Variants in PPP1CB observed in about 807,000 individuals in gnomAD.
PPP1CB encodes serine/threonine-protein phosphatase PP1-beta catalytic subunit.
In PPP1CB, 2 loss-of-function variants were observed where a neutral mutation model predicts 43.7. The ratio of observed to expected loss-of-function variants is 0.05; its 90% confidence interval spans 0.02 to 0.14. The LOEUF is 0.14. Ranked by LOEUF, PPP1CB falls within the 10% of genes least tolerant of loss-of-function variation. The pLI is 1.00. For missense variants in PPP1CB, 84 were observed against 398.0 expected (o/e 0.21, Z 6.71); for synonymous variants, 136 against 135.6 (o/e 1.00, Z -0.02).
chr2:28,768,261 TA>T (rs1666826621), intron 1 of PPP1CB, among the ~76,000 whole-genome samples: 1 of 152,040 alleles, frequency 6.6e-6, no homozygotes, highest in South Asian at 2.1e-4. Context: ...ATAGGGGAAA[TA>T]GATCCCAAAT....
Position 28,770,740 on chromosome 2 carries a change from G to A in PPP1CB, c.53-6111G>A, listed in dbSNP as rs147421509. Among the ~76,000 whole-genome samples, 391 of 152,064 alleles carry A rather than the reference G, an allele frequency of 2.6e-3. 2 individuals are homozygous for A. Among genetic ancestry groups the A allele is most frequent in the African/African-American group, 8.7e-3 (362 of 41,486 alleles). On this transcript the variant is annotated intron_variant, in intron 1 of 7. Coordinates refer to ENST00000395366, the MANE Select transcript of PPP1CB (RefSeq NM_002709.3). ...ACACAGCCACCCTGACCTACTTGGCGGACATAGAACACTTCACTCAATAAT... is the reference window on the plus strand; with the variant it reads ...ACACAGCCACCCTGACCTACTTGGCAGACATAGAACACTTCACTCAATAAT...
At chr2:28,772,376 A>C (rs1467368914) in intron 1 of PPP1CB, among the ~76,000 whole-genome samples, 1 of 152,152 alleles carries the variant, frequency 6.6e-6, no homozygotes, top group Non-Finnish European at 1.5e-5. Flanking sequence ...ACCACCATAT[A>C]CCCAACAAAA....
At chr2:28,756,902 C>T (rs1666501510) in intron 1 of PPP1CB, among the ~76,000 whole-genome samples, 1 of 152,178 alleles carries the variant, frequency 6.6e-6, no homozygotes, top group Non-Finnish European at 1.5e-5. Context: ...AGATATAATT[C>T]ACATACCATA....
chr2:28,763,812 C>G (rs577190606), intron 1 of PPP1CB, among the ~76,000 whole-genome samples: 1 of 152,258 alleles, frequency 6.6e-6, no homozygotes, highest in South Asian at 2.1e-4. Context: ...TGAAGCGATT[C>G]TCCTGCCTCA....
At chr2:28,783,224 T>G (rs1328044903) in intron 4 of PPP1CB, among the ~76,000 whole-genome samples, 1 of 152,168 alleles carries the variant, frequency 6.6e-6, no homozygotes, top group East Asian at 1.9e-4. Flanking sequence ...ACTTAGAAGT[T>G]AAAATGTTTA....
In PPP1CB at chr2:28,781,107, A is replaced by T. The variant is rs980086883; in HGVS notation, c.416-631A>T. 3.3e-5 allele frequency among the ~76,000 whole-genome samples: 5 copies of T among 152,156 alleles called. No individual in the cohort carries two copies. The East Asian group carries it at 9.6e-4, about 29-fold the overall frequency. On this transcript the variant is annotated intron_variant, in intron 3 of 7. Coordinates refer to ENST00000395366, the MANE Select transcript of PPP1CB (RefSeq NM_002709.3). Reference sequence around the variant, plus strand: ...GAACTAAGAGCCTATTAGACTGTTTAAAAATTGCTATATTATACTGATCTT... The same window carrying T: ...GAACTAAGAGCCTATTAGACTGTTTTAAAATTGCTATATTATACTGATCTT...
At position 28,801,786 on chromosome 2, in the gene PPP1CB, G is replaced by C. The variant is rs1667623214; in HGVS notation, c.*2483G>C. 1 of 152,078 alleles carries C rather than the reference G, an allele frequency of 6.6e-6. No homozygotes were observed. Among genetic ancestry groups the C allele is most frequent in the African/African-American group, 2.4e-5 (1 of 41,394 alleles). 9.4% of individuals were successfully genotyped at this position (152,078 alleles called of 1,614,324 possible). A position where few individuals can be genotyped will look rare whatever the true frequency, so the allele number is the denominator to read the frequency against. ...AAATCATGAAACACAGTAGATATCT[G>C]TTATAATGTGGTGTATCACATGGAT... On this transcript the variant is annotated 3_prime_UTR_variant, in exon 8 of 8. Transcript: ENST00000395366.
chr2:28,769,193 G>A (rs183345408), intron 1 of PPP1CB, among the ~76,000 whole-genome samples: 2 of 152,270 alleles, frequency 1.3e-5, no homozygotes. Context: ...CAATAGAATG[G>A]TGTTCTCTTT....
chr2:28,775,922 G>A (rs1043803853), intron 1 of PPP1CB, among the ~76,000 whole-genome samples: 2 of 152,036 alleles, frequency 1.3e-5, no homozygotes, highest in African/African-American at 4.8e-5. Context: ...CATCTAAATA[G>A]CCTTTAGAGG....
intron 1 of PPP1CB, among the ~76,000 whole-genome samples, chr2:28,752,948 A>G (rs1241638555): frequency 6.6e-6 from 1 of 152,206 alleles, no homozygotes; most frequent in African/African-American, 2.4e-5. Context: ...CTTGTATTCG[A>G]AAGGTATTTG....
chr2:28,770,399 T>G (rs992507752), intron 1 of PPP1CB, among the ~76,000 whole-genome samples: 5,458 of 69,736 alleles, frequency 0.078, 1 homozygote, highest in East Asian at 0.12. Context: ...GGGAGGGGGG[T>G]GTGGGGGAGA....
At chr2:28,754,699 T>G (rs1666442321) in intron 1 of PPP1CB, among the ~76,000 whole-genome samples, 1 of 152,230 alleles carries the variant, frequency 6.6e-6, no homozygotes, top group Non-Finnish European at 1.5e-5. Context: ...AATAATTATT[T>G]TTAATCTTCA....
intron 1 of PPP1CB, among the ~76,000 whole-genome samples, 179 bp downstream of exon 1, chr2:28,752,355 G>A (rs754578568): frequency 6.6e-6 from 1 of 152,176 alleles, no homozygotes; most frequent in Non-Finnish European, 1.5e-5. Context: ...CGGGGGAGCG[G>A]CCTCTGGGAG....
chr2:28,786,374 A>C (rs1572464532), intron 5 of PPP1CB, among the ~76,000 whole-genome samples: 1 of 152,118 alleles, frequency 6.6e-6, no homozygotes, highest in Admixed American at 6.5e-5. Flanking sequence ...TCGGCCTCCC[A>C]AAGTGCTGGG....
chr2:28,797,297 G>T (rs546329622), intron 7 of PPP1CB, among the ~76,000 whole-genome samples: 25 of 152,252 alleles, frequency 1.6e-4, no homozygotes, highest in African/African-American at 5.8e-4. Flanking sequence ...CTGAGTTAGG[G>T]GGGAGGTCCT....
At chr2:28,764,746 C>A (rs1666743827) in intron 1 of PPP1CB, among the ~76,000 whole-genome samples, 1 of 151,736 alleles carries the variant, frequency 6.6e-6, no homozygotes, top group East Asian at 1.9e-4. Flanking sequence ...ATGGCGAAAC[C>A]CCGTCTCTAC....
At chr2:28,787,313 G>T (rs547186552) in intron 5 of PPP1CB, among the ~76,000 whole-genome samples, 1 of 152,044 alleles carries the variant, frequency 6.6e-6, no homozygotes, top group Non-Finnish European at 1.5e-5. Flanking sequence ...CAAAAAATTA[G>T]CCGGGCGTGG....
intron 1 of PPP1CB, among the ~76,000 whole-genome samples, chr2:28,766,167 G>A (rs1666773698): frequency 1.3e-5 from 2 of 152,140 alleles, no homozygotes; most frequent in African/African-American, 4.8e-5. Context: ...GTGATTGAGG[G>A]TGGTGGTTCT....
intron 1 of PPP1CB, among the ~76,000 whole-genome samples, chr2:28,758,947 G>T (rs1201934130): frequency 1.3e-5 from 2 of 152,224 alleles, no homozygotes; most frequent in African/African-American, 4.8e-5. Context: ...TTCTAAGAAT[G>T]TTAATCAGAA....
Sources: gnomAD v4.1 joint callset for allele counts (sites outside exome capture counted in the v4.1 genomes callset) on GRCh38, gnomAD v4.1.1 for gene constraint, MANE v1.5 for transcripts, NCBI Gene and HGNC (gene_info 2026-07-23, HGNC 2026-07-21) for gene names.